The following DLGAP2 variants were observed in gnomAD, a reference collection of about 807,000 sequenced individuals.
DLGAP2 encodes the protein DLG associated protein 2, also known as disks large-associated protein 2.
Under a neutral mutation model 100.3 loss-of-function variants are expected in DLGAP2, and 26 were observed. The observed-to-expected ratio is 0.26, with a 90% CI of 0.19 to 0.36. The LOEUF is 0.36. Among genes scored for constraint, DLGAP2 ranks in the 10% least tolerant of loss-of-function variants. The probability of loss-of-function intolerance (pLI) is 1.00; values close to 1 mark genes in which losing one functional copy is unlikely to be tolerated. For synonymous variants in DLGAP2, 886 were observed against 630.1 expected (o/e 1.41, Z -6.08); for missense variants, 1,858 against 1,453.2 (o/e 1.28, Z -4.53).
intron 3 of DLGAP2, among the ~76,000 whole-genome samples, chr8:1,348,308 C>T (rs1801615963): frequency 6.6e-6 from 1 of 150,578 alleles, no homozygotes; most frequent in Non-Finnish European, 1.5e-5. Context: ...AGCTGCATTG[C>T]ACTCATGGTA....
chr8:1,281,240 T>C (rs1799807412), intron 3 of DLGAP2, among the ~76,000 whole-genome samples: 2 of 152,254 alleles, frequency 1.3e-5, no homozygotes, highest in South Asian at 2.1e-4. Flanking sequence ...TACAGATACC[T>C]TCAAAGTCGT....
intron 2 of DLGAP2, among the ~76,000 whole-genome samples, chr8:1,195,983 C>G (rs939269691): frequency 2.0e-5 from 3 of 152,322 alleles, no homozygotes; most frequent in African/African-American, 7.2e-5. Context: ...CACTGGGCAG[C>G]TGTGGGGATG....
chr8:1,076,927 A>G (rs1585038132), intron 2 of DLGAP2, among the ~76,000 whole-genome samples: 1 of 92,732 alleles, frequency 1.1e-5, no homozygotes, highest in African/African-American at 4.5e-5. Context: ...CAAGAGGAGG[A>G]GGAGGAGTCT....
chr8:1,584,706 C>G (rs528747774), intron 6 of DLGAP2, among the ~76,000 whole-genome samples: 3 of 152,150 alleles, frequency 2.0e-5, no homozygotes, highest in Non-Finnish European at 4.4e-5. Context: ...GCACTTGGCA[C>G]TTGCTCCTGG....
At chr8:1,606,169 G>T (rs1017984036) in intron 6 of DLGAP2, among the ~76,000 whole-genome samples, 3 of 152,256 alleles carry the variant, frequency 2.0e-5, no homozygotes, top group Non-Finnish European at 4.4e-5. Flanking sequence ...TTTGCTTCAA[G>T]TCTACATTCT....
At chr8:1,055,787 C>T (rs1265569079) in intron 2 of DLGAP2, among the ~76,000 whole-genome samples, 1 of 152,326 alleles carries the variant, frequency 6.6e-6, no homozygotes, top group East Asian at 1.9e-4. Flanking sequence ...CTGAGGAGGC[C>T]TCGCCAGCAG....
At chr8:1,037,158 C>T (rs1273807213) in intron 2 of DLGAP2, among the ~76,000 whole-genome samples, 1 of 152,158 alleles carries the variant, frequency 6.6e-6, no homozygotes, top group Non-Finnish European at 1.5e-5. Flanking sequence ...TCAGTCCTTC[C>T]TGCCGCCTGC....
intron 3 of DLGAP2, among the ~76,000 whole-genome samples, chr8:1,453,244 T>C (rs1798212762): frequency 6.6e-6 from 1 of 151,878 alleles, no homozygotes; most frequent in Non-Finnish European, 1.5e-5. Context: ...GAGACGGGAA[T>C]GGGCCGTGCT....
chr8:1,488,562 G>A (rs531422771), intron 3 of DLGAP2, among the ~76,000 whole-genome samples: 1 of 152,308 alleles, frequency 6.6e-6, no homozygotes, highest in African/African-American at 2.4e-5. Context: ...CCCGAGGTGG[G>A]CTGCAGCTGC....
At chr8:767,348 G>GTTTTT (rs35944301) in intron 1 of DLGAP2, among the ~76,000 whole-genome samples, 2 of 117,916 alleles carry the variant, frequency 1.7e-5, no homozygotes, top group Non-Finnish European at 3.4e-5. Flanking sequence ...GCTGTTGACT[G>GTTTTT]TTTTTTTTTT....
chr8:1,158,083 G>T (rs564151843), intron 2 of DLGAP2, among the ~76,000 whole-genome samples: 22 of 152,316 alleles, frequency 1.4e-4, no homozygotes, highest in African/African-American at 5.1e-4. Flanking sequence ...CCCCTTGCAG[G>T]TTCTGCCTGA....
chr8:1,344,843 G>A (rs1801518239), intron 3 of DLGAP2, among the ~76,000 whole-genome samples: 1 of 152,156 alleles, frequency 6.6e-6, no homozygotes, highest in Non-Finnish European at 1.5e-5. Context: ...CATGTTTGTT[G>A]AACTAATGAA....
At chr8:1,094,986 C>G (rs1206453666) in intron 2 of DLGAP2, among the ~76,000 whole-genome samples, 1 of 152,212 alleles carries the variant, frequency 6.6e-6, no homozygotes, top group Non-Finnish European at 1.5e-5. Flanking sequence ...TTCCAGGTCT[C>G]AGCAGCCTGC....
chr8:1,070,374 C>T (rs938652282), intron 2 of DLGAP2, among the ~76,000 whole-genome samples: 5 of 152,158 alleles, frequency 3.3e-5, no homozygotes, highest in African/African-American at 1.2e-4. Context: ...CCTGCCATGG[C>T]CCAATAAATC....
chr8:1,604,309 A>G (rs1349786414), intron 6 of DLGAP2, among the ~76,000 whole-genome samples: 2 of 152,226 alleles, frequency 1.3e-5, no homozygotes, highest in African/African-American at 2.4e-5. Flanking sequence ...TAGGGTGTTC[A>G]TTATGATTTG....
chr8:976,306 A>G (rs1359166073), intron 2 of DLGAP2, among the ~76,000 whole-genome samples: 1 of 152,198 alleles, frequency 6.6e-6, no homozygotes, highest in East Asian at 1.9e-4. Flanking sequence ...CACAATGGAA[A>G]GCCCAGAAAA....
At chr8:834,302 G>A (rs1425066634) in intron 1 of DLGAP2, among the ~76,000 whole-genome samples, 1 of 152,180 alleles carries the variant, frequency 6.6e-6, no homozygotes, top group Non-Finnish European at 1.5e-5. Flanking sequence ...GCGTGTGGCT[G>A]TTTTAATTTG....
rs988117632 is a variant in DLGAP2, at chr8:1,099,443, G to A, written c.74-159408G>A. Among the ~76,000 whole-genome samples the A allele has an allele frequency of 6.6e-5, 10 of 152,340 alleles. No homozygotes were observed. In the South Asian group the frequency reaches 8.3e-4, roughly 13 times the overall value. ...CGAGTGTCTGGGATGCGCCAGGGCC[G>A]TACTGGGGCTACGTTGCTAAGTAAA... On this transcript the variant is annotated intron_variant, in intron 2 of 14. Transcript: ENST00000637795.
chr8:1,441,983 A>T (rs1040668805), intron 3 of DLGAP2, among the ~76,000 whole-genome samples: 1 of 152,178 alleles, frequency 6.6e-6, no homozygotes, highest in Non-Finnish European at 1.5e-5. Context: ...GCTGGAAACC[A>T]TGATCCTCAG....
Sources: gnomAD v4.1 joint callset for allele counts (sites outside exome capture counted in the v4.1 genomes callset) on GRCh38, gnomAD v4.1.1 for gene constraint, MANE v1.5 for transcripts, NCBI Gene and HGNC (gene_info 2026-07-23, HGNC 2026-07-21) for gene names.